Variants in PPFIA2 observed in about 807,000 individuals in gnomAD.
The protein encoded by PPFIA2 is PPFI scaffold protein A2, also known as liprin-alpha-2.
Under a neutral mutation model 175.5 loss-of-function variants are expected in PPFIA2, and 46 were observed. The ratio of observed to expected loss-of-function variants is 0.26; its 90% CI spans 0.21 to 0.34. The LOEUF (loss-of-function observed/expected upper bound fraction) is 0.34, where lower values mean the gene tolerates loss of function less well. PPFIA2 is among the 10% of genes least tolerant of loss of function. The probability of loss-of-function intolerance (pLI) is 1.00; values close to 1 mark genes in which losing one functional copy is unlikely to be tolerated. For synonymous variants in PPFIA2, 568 were observed against 511.4 expected (o/e 1.11, Z -1.49); for missense variants, 1,179 against 1,506.1 (o/e 0.78, Z 3.60).
chr12:81,294,640 G>A (rs1413511830), intron 24 of PPFIA2, 195 bp downstream of exon 24: 16 of 605,368 alleles, frequency 2.6e-5, no homozygotes, highest in South Asian at 1.8e-4. Context: ...TAGCTTTCAC[G>A]TCTGATATGA....
At chr12:81,552,484 T>C (rs1475852190) in intron 4 of PPFIA2, among the ~76,000 whole-genome samples, 1 of 152,038 alleles carries the variant, frequency 6.6e-6, no homozygotes. Flanking sequence ...TATAGGTTTC[T>C]GACTTGCCAA....
intron 22 of PPFIA2, 84 bp downstream of exon 22, chr12:81,325,693 C>T (rs2139791799): frequency 2.0e-6 from 2 of 1,012,118 alleles, no homozygotes; most frequent in Non-Finnish European, 3.0e-6. Context: ...CTTTTGTTTC[C>T]AACCACTCTC....
At chr12:81,295,279 A>G (rs1400520271) in intron 23 of PPFIA2, among the ~76,000 whole-genome samples, 1 of 152,230 alleles carries the variant, frequency 6.6e-6, no homozygotes, top group Non-Finnish European at 1.5e-5. Context: ...CAGAGACTCT[A>G]TTTTAACTAA....
At chr12:81,604,437 A>T (rs2060088805) in intron 4 of PPFIA2, among the ~76,000 whole-genome samples, 1 of 151,642 alleles carries the variant, frequency 6.6e-6, no homozygotes, top group African/African-American at 2.4e-5. Context: ...AAAAAAAAAG[A>T]TATGAAATGT....
chr12:81,578,104 T>G (rs999685055), intron 4 of PPFIA2, among the ~76,000 whole-genome samples: 5 of 151,726 alleles, frequency 3.3e-5, no homozygotes, highest in African/African-American at 1.2e-4. Flanking sequence ...TGACTTTCTA[T>G]GTGGGCATCT....
rs562541516 is a variant in PPFIA2, at chr12:81,323,043, C to T, written c.2642+2734G>A. On this transcript the variant is annotated intron_variant, in intron 22 of 32. Coordinates refer to ENST00000549396, the MANE Select transcript of PPFIA2 (RefSeq NM_003625.5). The stretch of plus-strand genomic sequence containing the variant: ...TTTAGGACTGCCAAGTTACAAATTT[C>T]TGAACTTTGCAAAAATTTGGAATGT... Among the ~76,000 whole-genome samples, 3 of 152,260 alleles carry T rather than the reference C, an allele frequency of 2.0e-5. No homozygotes were observed. The South Asian group carries it at 6.2e-4, about 32-fold the overall frequency.
intron 4 of PPFIA2, among the ~76,000 whole-genome samples, chr12:81,494,515 C>T (rs960934607): frequency 6.6e-6 from 1 of 151,832 alleles, no homozygotes; most frequent in Non-Finnish European, 1.5e-5. Context: ...ACTAGTTCAA[C>T]CATTGTGGAA....
Position 81,263,400 on chromosome 12 carries a change from C to T in PPFIA2, c.3556-10G>A. On this transcript the variant is annotated splice_polypyrimidine_tract_variant and intron_variant, in intron 30 of 32. Coordinates refer to ENST00000549396, the MANE Select transcript of PPFIA2 (RefSeq NM_003625.5). ...AGTTCTTGTCATCACTCTGCCAGTA[C>T]AGTTATAAGGTGATGTTATGAAAAC... The T allele has an allele frequency of 1.9e-6, 3 of 1,610,822 alleles. No homozygotes were observed. The highest frequency in any genetic ancestry group is 2.5e-6 in the Non-Finnish European group (3 of 1,177,240).
chr12:81,343,563 A>G (rs2058524569), intron 19 of PPFIA2, among the ~76,000 whole-genome samples: 1 of 151,996 alleles, frequency 6.6e-6, no homozygotes, highest in South Asian at 2.1e-4. Flanking sequence ...TGGTTCCAGG[A>G]GTGTTCCAAT....
chr12:81,514,318 A>G (rs1382008969), intron 4 of PPFIA2, among the ~76,000 whole-genome samples: 1 of 151,936 alleles, frequency 6.6e-6, no homozygotes, highest in African/African-American at 2.4e-5. Context: ...ATTCTAAAAG[A>G]AAATTAATTT....
rs778812422 is a variant in PPFIA2 at position 81,525,933 on chromosome 12, T to G, written c.304-68067A>C. 1.6e-4 allele frequency among the ~76,000 whole-genome samples: 25 copies of G among 152,120 alleles called. 1 individual carries two copies. Among genetic ancestry groups the G allele is most frequent in the African/African-American group, 2.9e-4 (12 of 41,414 alleles). ...GATACACAACAAAATTCTTAGAAATTTTCCCACTATTCTAGTCTAAGTAAT... is the reference window on the plus strand; with the variant it reads ...GATACACAACAAAATTCTTAGAAATGTTCCCACTATTCTAGTCTAAGTAAT... On this transcript the variant is annotated intron_variant, in intron 4 of 32. Transcript: ENST00000549396.
rs936071918 is a variant in PPFIA2, at chr12:81,340,986, A to T, written c.2393+92T>A. On this transcript the variant is annotated intron_variant, in intron 20 of 32. Coordinates refer to ENST00000549396, the MANE Select transcript of PPFIA2 (RefSeq NM_003625.5). ...GGAGAATTCTGGCTCAAATAATGTA[A>T]ATTGTTAAGCAGTCTATTCGACAAC... is the stretch of plus-strand genomic sequence containing the variant. 4 of 1,303,192 alleles carry T rather than the reference A, an allele frequency of 3.1e-6. No homozygotes were observed. In the African/African-American group the frequency reaches 6.0e-5, roughly 20 times the overall value. The allele number at this position is 1,303,192 out of a possible 1,614,324, so 80.7% of individuals were successfully genotyped here.
intron 4 of PPFIA2, among the ~76,000 whole-genome samples, chr12:81,550,930 T>A (rs1361223307): frequency 6.6e-6 from 1 of 151,880 alleles, no homozygotes; most frequent in African/African-American, 2.4e-5. Context: ...AGAATCCTAA[T>A]GAAAGAATTC....
chr12:81,474,266 T>C (rs1047788449), intron 4 of PPFIA2, among the ~76,000 whole-genome samples: 1 of 152,128 alleles, frequency 6.6e-6, no homozygotes, highest in Non-Finnish European at 1.5e-5. Context: ...AAGCAATTCT[T>C]GTGCCTCAGC....
At chr12:81,322,286 A>G (rs1242276221) in intron 22 of PPFIA2, among the ~76,000 whole-genome samples, 2 of 152,184 alleles carry the variant, frequency 1.3e-5, no homozygotes, top group African/African-American at 2.4e-5. Context: ...TGGTTGTTCT[A>G]AACGTAATAG....
At chr12:81,705,694 G>T (rs536032885) in intron 3 of PPFIA2, among the ~76,000 whole-genome samples, 2 of 152,154 alleles carry the variant, frequency 1.3e-5, no homozygotes, top group East Asian at 3.9e-4. Flanking sequence ...TTACTGAAAG[G>T]TAAAAATGCA....
chr12:81,743,658 C>G (rs1397089979), intron 3 of PPFIA2, among the ~76,000 whole-genome samples: 1 of 151,636 alleles, frequency 6.6e-6, no homozygotes, highest in Non-Finnish European at 1.5e-5. Flanking sequence ...AGATCTAGAA[C>G]AAAAGGGAAA....
intron 4 of PPFIA2, among the ~76,000 whole-genome samples, chr12:81,526,188 C>G (rs1430690064): frequency 1.3e-5 from 2 of 152,074 alleles, no homozygotes; most frequent in African/African-American, 4.8e-5. Flanking sequence ...ATTTTTTATT[C>G]CCCTAATCTC....
intron 9 of PPFIA2, 40 bp from the exon 10 acceptor site, chr12:81,375,982 C>T (rs768000429): frequency 8.4e-6 from 13 of 1,548,358 alleles, no homozygotes; most frequent in Non-Finnish European, 1.1e-5. Flanking sequence ...ATCAGATTCT[C>T]AGATTGTTTA....
Sources: allele counts gnomAD v4.1 joint callset (sites outside exome capture counted in the v4.1 genomes callset), GRCh38; gene constraint gnomAD v4.1.1; transcripts MANE v1.5; gene names NCBI Gene and HGNC (gene_info 2026-07-23, HGNC 2026-07-21).